MACROD2: variants seen among roughly 807,000 people sequenced by gnomAD.
The protein encoded by MACROD2 is mono-ADP ribosylhydrolase 2, also known as ADP-ribose glycohydrolase MACROD2.
MACROD2 carries 36 observed loss-of-function variants against 70.4 expected under a neutral mutation model. That is an observed-to-expected ratio of 0.51 (90% CI 0.39 to 0.68). MACROD2 has a LOEUF of 0.68. Ranked by LOEUF, MACROD2 falls within the 30% of genes least tolerant of loss-of-function variation. The pLI is 0.00. For synonymous variants in MACROD2, 172 were observed against 178.8 expected, an observed-to-expected ratio of 0.96 and a Z score of 0.30; for missense variants, 496 against 538.4, an observed-to-expected ratio of 0.92 and a Z score of 0.78.
At chr20:14,475,148 C>T (rs1242661428) in intron 3 of MACROD2, among the ~76,000 whole-genome samples, 11 of 151,572 alleles carry the variant, frequency 7.3e-5, no homozygotes, top group South Asian at 2.1e-4. Flanking sequence ...TTGTGGTTAC[C>T]GTGAGGCTTG....
At position 14,956,731 on chromosome 20, in the gene MACROD2, C is replaced by G. The variant is rs1189709551; in HGVS notation, c.418+271772C>G. ...GGTCATGAGTAAGTTGTTTTTAAAT[C>G]ATAAAATTTTAGTGTTAGACAATTG... is the stretch of plus-strand genomic sequence containing the variant. On this transcript the variant is annotated intron_variant, in intron 5 of 17. Coordinates refer to ENST00000684519, the MANE Select transcript of MACROD2 (RefSeq NM_001351661.2). Among the ~76,000 whole-genome samples, 3 of 152,108 alleles carry G rather than the reference C, an allele frequency of 2.0e-5. No individual in the cohort carries two copies. In the East Asian group the frequency reaches 5.8e-4, roughly 29 times the overall value.
At chr20:14,976,935 T>C (rs1462630073) in intron 5 of MACROD2, among the ~76,000 whole-genome samples, 6 of 147,624 alleles carry the variant, frequency 4.1e-5, no homozygotes, top group Non-Finnish European at 7.4e-5. Flanking sequence ...TTATTTTATA[T>C]AAACATTTTC....
At chr20:14,162,161 A>G (rs1166930186) in intron 3 of MACROD2, among the ~76,000 whole-genome samples, 2 of 151,984 alleles carry the variant, frequency 1.3e-5, no homozygotes, top group African/African-American at 2.4e-5. Context: ...TTTAATTTCT[A>G]TGTGTTTGTA....
At chr20:14,500,174 A>G (rs2084900937) in intron 4 of MACROD2, among the ~76,000 whole-genome samples, 1 of 152,208 alleles carries the variant, frequency 6.6e-6, no homozygotes, top group Non-Finnish European at 1.5e-5. Flanking sequence ...CTGCCATCAT[A>G]TCATCCAGGT....
intron 6 of MACROD2, among the ~76,000 whole-genome samples, chr20:15,294,443 TTTAA>T (rs2077568763): frequency 6.6e-6 from 1 of 152,236 alleles, no homozygotes; most frequent in African/African-American, 2.4e-5. Context: ...TCCCGTTTTC[TTTAA>T]TTATTTACTC....
At chr20:15,059,151 A>C (rs544370094) in intron 5 of MACROD2, among the ~76,000 whole-genome samples, 2 of 152,312 alleles carry the variant, frequency 1.3e-5, no homozygotes, top group Admixed American at 6.5e-5. Context: ...TGATCCCAGC[A>C]CTTTGGGAGG....
At chr20:14,627,010 T>C (rs1984209586) in intron 4 of MACROD2, 1 of 152,210 alleles carries the variant, frequency 6.6e-6, no homozygotes, top group Admixed American at 6.5e-5. Context: ...TGAGACCACC[T>C]GTGTTGGGAG....
At chr20:15,913,133 G>A (rs6043613) in intron 10 of MACROD2, among the ~76,000 whole-genome samples, 3 of 151,746 alleles carry the variant, frequency 2.0e-5, no homozygotes, top group Admixed American at 1.3e-4. Context: ...AAATATATTA[G>A]GCATTCAAAA....
At chr20:14,343,303 G>A (rs911969292) in intron 3 of MACROD2, among the ~76,000 whole-genome samples, 1 of 151,746 alleles carries the variant, frequency 6.6e-6, no homozygotes, top group African/African-American at 2.4e-5. Flanking sequence ...AGCAGATTGA[G>A]TCAATCATTT....
At chr20:15,229,811 C>A in intron 5 of MACROD2, 129 bp from the exon 6 acceptor site, 1 of 913,400 alleles carries the variant, frequency 1.1e-6, no homozygotes, top group East Asian at 3.1e-5. Flanking sequence ...TTTGCGTCGC[C>A]AATGTATTGC....
At chr20:15,161,313 C>T (rs465846) in intron 5 of MACROD2, among the ~76,000 whole-genome samples, 24,949 of 150,336 alleles carry the variant, frequency 0.17, 2,586 homozygotes, top group East Asian at 0.48. Context: ...TATTATAGTA[C>T]GATAATTTGA....
intron 4 of MACROD2, among the ~76,000 whole-genome samples, chr20:14,579,520 T>G (rs1980866119): frequency 6.6e-6 from 1 of 152,260 alleles, no homozygotes; most frequent in South Asian, 2.1e-4. Flanking sequence ...AAATGTTTAA[T>G]ACTTGCTTTG....
intron 4 of MACROD2, among the ~76,000 whole-genome samples, chr20:14,580,025 G>A (rs1980903557): frequency 6.6e-6 from 1 of 152,150 alleles, no homozygotes; most frequent in African/African-American, 2.4e-5. Context: ...TATTTACAAA[G>A]CAACTGAACA....
intron 8 of MACROD2, among the ~76,000 whole-genome samples, chr20:15,564,168 A>C (rs1232168347): frequency 1.3e-5 from 2 of 152,206 alleles, no homozygotes; most frequent in Non-Finnish European, 2.9e-5. Flanking sequence ...TGTTACTGTG[A>C]AAGTGAAGAT....
intron 8 of MACROD2, among the ~76,000 whole-genome samples, chr20:15,776,325 A>T (rs538665494): frequency 6.6e-6 from 1 of 152,172 alleles, no homozygotes; most frequent in Non-Finnish European, 1.5e-5. Flanking sequence ...TTGCTGTTCT[A>T]TTTATCAAGC....
intron 3 of MACROD2, among the ~76,000 whole-genome samples, chr20:14,172,583 G>A (rs2081231551): frequency 1.3e-5 from 2 of 152,140 alleles, no homozygotes; most frequent in Non-Finnish European, 2.9e-5. Context: ...GGGATTATAG[G>A]CATGAGCCAC....
At chr20:15,397,165 A>G (rs1478415365) in intron 6 of MACROD2, among the ~76,000 whole-genome samples, 1 of 152,248 alleles carries the variant, frequency 6.6e-6, no homozygotes, top group Non-Finnish European at 1.5e-5. Context: ...AAACACTGTG[A>G]CAATATCTAT....
intron 5 of MACROD2, among the ~76,000 whole-genome samples, chr20:14,914,768 T>C (rs1412702717): frequency 6.6e-6 from 1 of 152,230 alleles, no homozygotes; most frequent in Non-Finnish European, 1.5e-5. Context: ...TGCTAGCATA[T>C]GCTGTCAAAC....
At chr20:15,366,522 A>T (rs1412902216) in intron 6 of MACROD2, among the ~76,000 whole-genome samples, 1 of 152,132 alleles carries the variant, frequency 6.6e-6, no homozygotes, top group Non-Finnish European at 1.5e-5. Context: ...TTATAGTGTT[A>T]TCTGAGCAAA....
Sources: gnomAD v4.1 joint callset for allele counts (sites outside exome capture counted in the v4.1 genomes callset) on GRCh38, gnomAD v4.1.1 for gene constraint, MANE v1.5 for transcripts, NCBI Gene and HGNC (gene_info 2026-07-23, HGNC 2026-07-21) for gene names.